The following RUVBL2 variants were observed in gnomAD, a reference collection of about 807,000 sequenced individuals.
RUVBL2 encodes ruvB-like 2.
RUVBL2 carries 9 observed loss-of-function variants against 57.9 expected under a neutral mutation model. The observed-to-expected ratio is 0.16, with a 90% CI of 0.09 to 0.27. The LOEUF (loss-of-function observed/expected upper bound fraction) is 0.27, where lower values mean the gene tolerates loss of function less well. Ranked by LOEUF, RUVBL2 falls within the 10% of genes least tolerant of loss-of-function variation. RUVBL2 has a pLI of 1.00. For synonymous variants in RUVBL2, 278 were observed against 264.6 expected, an observed-to-expected ratio of 1.05 and a Z score of -0.49; for missense variants, 456 against 669.6, an observed-to-expected ratio of 0.68 and a Z score of 3.52.
At chr19:49,008,536 A>G (rs1239091393) in intron 6 of RUVBL2, among the ~76,000 whole-genome samples, 1 of 149,304 alleles carries the variant, frequency 6.7e-6, no homozygotes, top group African/African-American at 2.4e-5. Context: ...CCTGTTTACT[A>G]TTTTTATTAA....
chr19:49,015,406 CAAG>C, intron 13 of RUVBL2, 163 bp from the exon 14 acceptor site: 2 of 714,860 alleles, frequency 2.8e-6, no homozygotes, highest in Non-Finnish European at 4.7e-6. Context: ...GGGCCCACAA[CAAG>C]GAGATGGCCA....
chr19:48,999,793 C>A lies in RUVBL2; in HGVS notation c.67+420C>A, dbSNP rs111532761. ...GATCAAGAGATAACCATTGAATGCA[C>A]GAGTTTGCGTCCTGTGGAGCCCTCG... is the stretch of plus-strand genomic sequence containing the variant. On this transcript the variant is annotated intron_variant, in intron 2 of 14. Coordinates refer to ENST00000595090, the MANE Select transcript of RUVBL2 (RefSeq NM_006666.3). Among the ~76,000 whole-genome samples the A allele has an allele frequency of 2.6e-5, 4 of 152,258 alleles. No homozygotes were observed. In the East Asian group the frequency reaches 7.7e-4, roughly 29 times the overall value.
At chr19:49,015,425 G>T in intron 13 of RUVBL2, 147 bp from the exon 14 acceptor site, 1 of 749,932 alleles carries the variant, frequency 1.3e-6, no homozygotes, top group Admixed American at 2.2e-5. Flanking sequence ...GGCCAGGCAG[G>T]ATTTGAACCC....
intron 1 of RUVBL2, among the ~76,000 whole-genome samples, chr19:48,997,719 T>G (rs568937821): frequency 6.6e-6 from 1 of 152,306 alleles, no homozygotes; most frequent in East Asian, 1.9e-4. Flanking sequence ...TGTTTTATTT[T>G]GCCATTCATC....
At chr19:49,004,664 G>A (rs991980178) in intron 4 of RUVBL2, among the ~76,000 whole-genome samples, 56 of 152,182 alleles carry the variant, frequency 3.7e-4, no homozygotes, top group African/African-American at 1.3e-3. Flanking sequence ...TCAAGAGGAC[G>A]CCATGTTCCA....
chr19:49,014,450 C>A, intron 11 of RUVBL2, 34 bp from the exon 12 acceptor site: 1 of 1,603,934 alleles, frequency 6.2e-7, no homozygotes, highest in African/African-American at 1.3e-5. Flanking sequence ...GGGAACATGC[C>A]CCTGACAGCC....
chr19:49,012,720 GTCC>G (rs1157075201), intron 11 of RUVBL2, among the ~76,000 whole-genome samples: 2 of 152,180 alleles, frequency 1.3e-5, no homozygotes, highest in African/African-American at 2.4e-5. Context: ...GTAAATAAGT[GTCC>G]TTGTTGTATT....
chr19:49,015,781 G>T, intron 14 of RUVBL2, 36 bp from the exon 15 acceptor site: 2 of 1,613,914 alleles, frequency 1.2e-6, no homozygotes, highest in Non-Finnish European at 1.7e-6. Context: ...TGCCACCTGG[G>T]CGACACTGAC....
chr19:48,993,951 A>T (rs1395953077), intron 1 of RUVBL2, 28 bp downstream of exon 1: 1 of 1,613,380 alleles, frequency 6.2e-7, no homozygotes, highest in South Asian at 1.1e-5. Context: ...GAGGGTGAGG[A>T]GCGAGCTAGC....
At position 49,004,499 on chromosome 19, in the gene RUVBL2, G is replaced by A. The variant is rs1017822491; in HGVS notation, c.265+81G>A. 16 of 1,379,794 alleles carry A rather than the reference G, an allele frequency of 1.2e-5. No homozygotes were observed. The Admixed American group carries it at 1.4e-4, about 12-fold the overall frequency. 85.5% of individuals were successfully genotyped at this position (1,379,794 alleles called of 1,614,324 possible). A position where few individuals can be genotyped will look rare whatever the true frequency, so the allele number is the denominator to read the frequency against. On this transcript the variant is annotated intron_variant, in intron 4 of 14. Transcript: ENST00000595090. ...GTGTAAGTCAGGGTCAGGATGAGCC[G>A]CCTTTAACAGATGACCCAAAATGGC...
chr19:49,007,412 G>A (rs1019622815), intron 6 of RUVBL2, 44 bp downstream of exon 6: 9 of 1,561,162 alleles, frequency 5.8e-6, no homozygotes, highest in African/African-American at 1.4e-5. Flanking sequence ...CACCTCCAGC[G>A]CCAGGGTTGG....
At chr19:48,993,654 C>T, upstream of RUVBL2, 2 of 588,732 alleles carry the variant, frequency 3.4e-6, no homozygotes, top group Non-Finnish European at 6.1e-6. Flanking sequence ...TCGGCCTGAG[C>T]GGGGCGGTGG....
chr19:48,997,313 G>A (rs115314759), intron 1 of RUVBL2, among the ~76,000 whole-genome samples: 1,926 of 152,196 alleles, frequency 0.013, 45 homozygotes, highest in African/African-American at 0.044. Context: ...GTTCATCCAC[G>A]TTGTAGCATG....
At chr19:48,999,672 T>A (rs536326107) in intron 2 of RUVBL2, among the ~76,000 whole-genome samples, 15 of 152,152 alleles carry the variant, frequency 9.9e-5, no homozygotes, top group Non-Finnish European at 1.3e-4. Context: ...TGGCCTCGTA[T>A]ACCCAGTACA....
At chr19:48,996,397 C>G (rs544456500) in intron 1 of RUVBL2, among the ~76,000 whole-genome samples, 55 of 152,112 alleles carry the variant, frequency 3.6e-4, no homozygotes, top group African/African-American at 1.3e-3. Context: ...TCTTGGCTCC[C>G]TGCAGCCTCT....
At chr19:49,012,023 CA>C (rs2039439596) in intron 11 of RUVBL2, among the ~76,000 whole-genome samples, 1 of 152,156 alleles carries the variant, frequency 6.6e-6, no homozygotes, top group African/African-American at 2.4e-5. Context: ...CCGCAGGAAG[CA>C]GGGGGATGTG....
intron 11 of RUVBL2, among the ~76,000 whole-genome samples, chr19:49,012,691 C>T (rs1007101835): frequency 9.2e-5 from 14 of 152,262 alleles, no homozygotes; most frequent in African/African-American, 3.1e-4. Context: ...ACACTGCCTG[C>T]TCCCTTAGCG....
At chr19:49,008,263 T>A (rs888502831) in intron 6 of RUVBL2, among the ~76,000 whole-genome samples, 1 of 149,440 alleles carries the variant, frequency 6.7e-6, no homozygotes, top group Non-Finnish European at 1.5e-5. Context: ...TTTTTTGAGA[T>A]GGAGTCTTGC....
In RUVBL2 at chr19:49,015,081, G is replaced by A. The variant is rs1029207979; in HGVS notation, c.1182G>A (p.Gly394=). ...CCTACACGGTGCTGACCCGCATCGG[G>A]CTGGAGACGTCACTGCGCTACGCCA... The part of the protein sequence containing the change: ...EDAYTVLTRI[G]LETSLRYAIQ... The change falls in exon 13 of 15, where the codon GGG becomes GGA. Residue 394 remains glycine (G), a synonymous_variant. Transcript: ENST00000595090. 6.2e-7 allele frequency: 1 copy of A among 1,609,736 alleles called. No individual in the cohort carries two copies. Among genetic ancestry groups the A allele is most frequent in the African/African-American group, 1.3e-5 (1 of 74,944 alleles).
Sources: gnomAD v4.1 joint callset for allele counts (sites outside exome capture counted in the v4.1 genomes callset) on GRCh38, gnomAD v4.1.1 for gene constraint, MANE v1.5 for transcripts, NCBI Gene and HGNC (gene_info 2026-07-23, HGNC 2026-07-21) for gene names.